The following PRKCB variants were observed in gnomAD, a reference collection of about 807,000 sequenced individuals.
PRKCB encodes protein kinase C beta type.
Under a neutral mutation model 81.5 loss-of-function variants are expected in PRKCB, and 13 were observed. The observed-to-expected ratio is 0.16, with a 90% CI of 0.10 to 0.25. The LOEUF (loss-of-function observed/expected upper bound fraction) is 0.25, where lower values mean the gene tolerates loss of function less well. Among genes scored for constraint, PRKCB ranks in the 10% least tolerant of loss-of-function variants. The probability of loss-of-function intolerance (pLI) is 1.00; values close to 1 mark genes in which losing one functional copy is unlikely to be tolerated. For synonymous variants in PRKCB, 335 were observed against 321.4 expected, an observed-to-expected ratio of 1.04 and a Z score of -0.45; for missense variants, 509 against 875.7, an observed-to-expected ratio of 0.58 and a Z score of 5.29.
chr16:24,180,254 G>A (rs1253651278), intron 12 of PRKCB, among the ~76,000 whole-genome samples: 6 of 152,074 alleles, frequency 3.9e-5, no homozygotes, highest in African/African-American at 1.4e-4. Context: ...AATGTATTTT[G>A]ATTCAAAGAA....
At position 24,220,478 on chromosome 16, in the gene PRKCB, C is replaced by A. The variant is rs1968305787; in HGVS notation, c.*5662C>A. The A allele has an allele frequency of 1.2e-5, 2 of 169,216 alleles. No homozygotes were observed. Among genetic ancestry groups the A allele is most frequent in the East Asian group, 3.4e-4 (2 of 5,852 alleles). 10.5% of individuals were successfully genotyped at this position (169,216 alleles called of 1,614,324 possible). A position where few individuals can be genotyped will look rare whatever the true frequency, so the allele number is the denominator to read the frequency against. ...AGTTTTTACAGTTATTCTATAATAT[C>A]TTCTTTGAATGCTAAGCATGAGCGA... On this transcript the variant is annotated 3_prime_UTR_variant, in exon 17 of 17. Transcript: ENST00000643927.
chr16:23,939,688 A>G (rs1225747061), intron 2 of PRKCB, among the ~76,000 whole-genome samples: 1 of 152,220 alleles, frequency 6.6e-6, no homozygotes, highest in African/African-American at 2.4e-5. Context: ...CTTGCACTTT[A>G]TACAAAAATT....
chr16:24,158,381 T>C (rs558364420), intron 10 of PRKCB, among the ~76,000 whole-genome samples: 90 of 152,276 alleles, frequency 5.9e-4, no homozygotes, highest in Non-Finnish European at 1.1e-3. Flanking sequence ...ACAACTTAGA[T>C]AGGTTCTGTC....
At chr16:24,133,596 C>T (rs1162552762) in intron 9 of PRKCB, among the ~76,000 whole-genome samples, 2 of 152,232 alleles carry the variant, frequency 1.3e-5, no homozygotes, top group African/African-American at 4.8e-5. Flanking sequence ...TGCCCAGCTG[C>T]ACCCACTCCA....
intron 7 of PRKCB, among the ~76,000 whole-genome samples, chr16:24,105,391 G>A (rs1013265593): frequency 6.6e-6 from 1 of 151,570 alleles, no homozygotes; most frequent in Non-Finnish European, 1.5e-5. Flanking sequence ...TTTACTTTAA[G>A]CTCTGGGATA....
intron 9 of PRKCB, among the ~76,000 whole-genome samples, chr16:24,153,027 A>G (rs1967102311): frequency 6.6e-6 from 1 of 152,150 alleles, no homozygotes; most frequent in Admixed American, 6.5e-5. Context: ...TGAGCTGGCA[A>G]GCTCAGCTCG....
chr16:23,878,013 T>C (rs761154386), intron 2 of PRKCB, among the ~76,000 whole-genome samples: 10 of 152,090 alleles, frequency 6.6e-5, no homozygotes, highest in Non-Finnish European at 1.2e-4. Context: ...TTTGCATTTT[T>C]AGTAGAGATG....
intron 9 of PRKCB, among the ~76,000 whole-genome samples, chr16:24,138,288 G>A (rs1266387217): frequency 5.3e-5 from 8 of 152,158 alleles, no homozygotes; most frequent in Non-Finnish European, 1.2e-4. Flanking sequence ...ACAACAAAGG[G>A]GGGCAGTGCT....
At chr16:23,947,386 T>C (rs905440209) in intron 2 of PRKCB, among the ~76,000 whole-genome samples, 6 of 152,210 alleles carry the variant, frequency 3.9e-5, no homozygotes, top group African/African-American at 1.4e-4. Flanking sequence ...CCTGGGCTCC[T>C]CTCCTCATTC....
At chr16:24,024,471 A>G (rs7194015) in intron 3 of PRKCB, among the ~76,000 whole-genome samples, 87,604 of 151,640 alleles carry the variant, frequency 0.58, 25,703 homozygotes, top group South Asian at 0.78. Flanking sequence ...AATTTCAAAT[A>G]TCTCAAGCTA....
intron 2 of PRKCB, among the ~76,000 whole-genome samples, chr16:23,954,903 A>G (rs943758914): frequency 6.6e-6 from 1 of 152,176 alleles, no homozygotes; most frequent in Non-Finnish European, 1.5e-5. Flanking sequence ...ACTACAGAAC[A>G]TTAGCTGGGA....
rs185888452 is a variant in PRKCB at position 23,972,029 on chromosome 16, C to A, written c.206-16479C>A. 5.0e-4 allele frequency among the ~76,000 whole-genome samples: 76 copies of A among 152,128 alleles called. 1 individual carries two copies. In the East Asian group the frequency reaches 8.5e-3, roughly 17 times the overall value. On this transcript the variant is annotated intron_variant, in intron 2 of 16. Coordinates refer to ENST00000643927, the MANE Select transcript of PRKCB (RefSeq NM_002738.7). ...TAATAACCAGATACTGTTAAAAAAA[C>A]CCCAGAATATTGATCAGTAGATGAA... is the stretch of plus-strand genomic sequence containing the variant.
intron 2 of PRKCB, among the ~76,000 whole-genome samples, chr16:23,896,799 T>C (rs138755400): frequency 2.2e-4 from 34 of 152,330 alleles, no homozygotes; most frequent in African/African-American, 7.5e-4. Context: ...ACAAGTGAAG[T>C]TAATCTCTTA....
intron 10 of PRKCB, among the ~76,000 whole-genome samples, chr16:24,170,713 A>G (rs894298802): frequency 3.3e-5 from 5 of 152,228 alleles, no homozygotes; most frequent in African/African-American, 1.2e-4. Flanking sequence ...ACACAAGGAA[A>G]CCCAGGTGTT....
intron 2 of PRKCB, among the ~76,000 whole-genome samples, chr16:23,969,740 A>G (rs1477939719): frequency 1.3e-5 from 2 of 152,144 alleles, no homozygotes; most frequent in African/African-American, 4.8e-5. Context: ...AAACTGACCC[A>G]TTGTCAATAG....
Position 23,836,188 on chromosome 16 carries a change from G to C in PRKCB, c.13G>C (p.Ala5Pro). MADP[A>P]AGPPPSEGEE... ...CCCCGCGCGCAAGATGGCTGACCCG[G>C]CTGCGGGGCCGCCGCCGAGCGAGGG... The change falls in exon 1 of 17, where the codon GCT (alanine) becomes CCT (proline). Residue 5 changes from alanine to proline, a missense_variant. This residue lies in a region of PRKCB where 33 missense variants were observed against 21.9 expected (regional missense o/e 1.50). Transcript: ENST00000643927. The C allele has an allele frequency of 1.3e-6, 2 of 1,566,002 alleles. No individual in the cohort carries two copies. Among genetic ancestry groups the C allele is most frequent in the Non-Finnish European group, 1.7e-6 (2 of 1,159,214 alleles).
chr16:24,145,847 A>G (rs1966980539), intron 9 of PRKCB, among the ~76,000 whole-genome samples: 1 of 152,212 alleles, frequency 6.6e-6, no homozygotes, highest in South Asian at 2.1e-4. Flanking sequence ...GATGATGTTG[A>G]CGATCACCAC....
chr16:23,892,240 T>C (rs1963306891), intron 2 of PRKCB, among the ~76,000 whole-genome samples: 1 of 146,512 alleles, frequency 6.8e-6, no homozygotes, highest in African/African-American at 2.5e-5. Flanking sequence ...ACATTTTTTT[T>C]CTCCATCCGT....
chr16:23,957,592 C>T (rs1964367134), intron 2 of PRKCB, among the ~76,000 whole-genome samples: 1 of 152,042 alleles, frequency 6.6e-6, no homozygotes, highest in Non-Finnish European at 1.5e-5. Flanking sequence ...GCCTTTTTTG[C>T]CCCCTTGAAG....
Sources: gnomAD v4.1 joint callset for allele counts (sites outside exome capture counted in the v4.1 genomes callset) on GRCh38, gnomAD v4.1.1 for gene constraint, gnomAD v4.1.1 regional missense constraint, MANE v1.5 for transcripts, NCBI Gene and HGNC (gene_info 2026-07-23, HGNC 2026-07-21) for gene names.